DTNA: variants seen among roughly 807,000 people sequenced by gnomAD.
The protein encoded by DTNA is dystrobrevin alpha, also known as dystrophin-related protein 3.
In DTNA, 43 loss-of-function variants were observed where a neutral mutation model predicts 100.7. That is an observed-to-expected ratio of 0.43 (90% CI 0.33 to 0.55). The LOEUF (loss-of-function observed/expected upper bound fraction) is 0.55, where lower values mean the gene tolerates loss of function less well. Ranked by LOEUF, DTNA falls within the 20% of genes least tolerant of loss-of-function variation. DTNA has a pLI of 0.04. For missense variants in DTNA, 798 were observed against 953.9 expected (o/e 0.84, Z 2.15); for synonymous variants, 349 against 347.9 (o/e 1.00, Z -0.04).
intron 3 of DTNA, among the ~76,000 whole-genome samples, chr18:34,785,492 T>C (rs1298387668): frequency 6.6e-6 from 1 of 152,208 alleles, no homozygotes; most frequent in Non-Finnish European, 1.5e-5. Context: ...CTAAAATTTA[T>C]ATAGTACTTT....
At chr18:34,868,730 A>G (rs1467469997) in intron 17 of DTNA, 2 of 985,380 alleles carry the variant, frequency 2.0e-6, no homozygotes, top group Non-Finnish European at 2.4e-6. Flanking sequence ...AGGAGAGAAC[A>G]TGAATTAAAA....
rs1954861 is a variant in DTNA, at chr18:34,838,301, G to A, written c.1253+130G>A. ...GTAAAAGCAGCTCTGCTTTAACCCA[G>A]TTAACAGCACTAAGTAGTTATTTCC... On this transcript the variant is annotated intron_variant, in intron 12 of 22. Transcript: ENST00000444659. 241,730 of 931,382 alleles carry A rather than the reference G, an allele frequency of 0.26. 33,732 individuals carry two copies. Among genetic ancestry groups the A allele is most frequent in the African/African-American group, 0.44 (26,861 of 60,988 alleles). The allele number at this position is 931,382 out of a possible 1,614,324, so 57.7% of individuals were successfully genotyped here.
intron 21 of DTNA, among the ~76,000 whole-genome samples, chr18:34,883,565 C>T (rs2096894353): frequency 6.6e-6 from 1 of 152,126 alleles, no homozygotes; most frequent in African/African-American, 2.4e-5. Context: ...CCACCCCGGC[C>T]TCCCAAAGTG....
At chr18:34,866,957 G>A in intron 17 of DTNA, 1 of 1,166,940 alleles carries the variant, frequency 8.6e-7, no homozygotes, top group Non-Finnish European at 1.0e-6. Context: ...AGGCTCAAGA[G>A]CCAGCAGGGG....
rs78346019 is a variant in DTNA, at chr18:34,764,999, G to T, written c.68-962G>T. Among the ~76,000 whole-genome samples the T allele has an allele frequency of 6.0e-4, 91 of 152,268 alleles. No individual in the cohort carries two copies. In the East Asian group the frequency reaches 0.017, roughly 28 times the overall value. ...GGTGGGAGGAATACTAGGAGCTCAG[G>T]TCTTGATGTAACAAGCAGCCCATCT... On this transcript the variant is annotated intron_variant, in intron 2 of 22. Transcript: ENST00000444659.
chr18:34,769,778 A>G (rs1323294218), intron 3 of DTNA, among the ~76,000 whole-genome samples: 2 of 106,486 alleles, frequency 1.9e-5, no homozygotes, highest in East Asian at 3.2e-4. Flanking sequence ...CTGGAGTGCA[A>G]TGGTGCAATC....
chr18:34,800,608 T>C (rs917378986), intron 4 of DTNA, among the ~76,000 whole-genome samples: 5 of 152,222 alleles, frequency 3.3e-5, no homozygotes, highest in African/African-American at 1.2e-4. Context: ...TCAAAAATGC[T>C]TACCAAATGT....
intron 1 of DTNA, among the ~76,000 whole-genome samples, chr18:34,551,534 GC>G (rs1339952569): frequency 1.3e-5 from 2 of 152,004 alleles, no homozygotes; most frequent in Non-Finnish European, 2.9e-5. Flanking sequence ...CTTCTCCAGT[GC>G]CCAATCTGGG....
chr18:34,713,188 T>C (rs2083253683), intron 1 of DTNA, among the ~76,000 whole-genome samples: 1 of 152,154 alleles, frequency 6.6e-6, no homozygotes, highest in African/African-American at 2.4e-5. Flanking sequence ...ATGATTAATT[T>C]GGAGAATAAG....
At chr18:34,641,136 T>C (rs1393724657) in intron 1 of DTNA, among the ~76,000 whole-genome samples, 1 of 152,112 alleles carries the variant, frequency 6.6e-6, no homozygotes, top group African/African-American at 2.4e-5. Context: ...AGATAATATA[T>C]GAATATAAGG....
intron 1 of DTNA, among the ~76,000 whole-genome samples, chr18:34,658,737 A>G (rs889228073): frequency 2.6e-5 from 4 of 152,244 alleles, no homozygotes; most frequent in African/African-American, 9.6e-5. Flanking sequence ...CAGTGTTAAG[A>G]GCATTCAAGT....
chr18:34,729,751 A>G (rs1400172822), intron 1 of DTNA, among the ~76,000 whole-genome samples: 4 of 152,156 alleles, frequency 2.6e-5, no homozygotes, highest in South Asian at 4.1e-4. Context: ...CAAAGAAAAG[A>G]TGGAAGATGG....
At chr18:34,753,366 A>ATTTATTTTTTTTT (rs2092499145) in intron 1 of DTNA, among the ~76,000 whole-genome samples, 5 of 133,148 alleles carry the variant, frequency 3.8e-5, no homozygotes, top group African/African-American at 6.4e-5. Flanking sequence ...TATTTATTTT[A>ATTTATTTTTTTTT]TTTTTTTTTT....
intron 1 of DTNA, among the ~76,000 whole-genome samples, chr18:34,725,884 G>A (rs929194893): frequency 6.6e-6 from 1 of 152,186 alleles, no homozygotes; most frequent in Admixed American, 6.5e-5. Flanking sequence ...TTAAGAAAAT[G>A]TGGCACATAT....
chr18:34,613,284 C>T (rs2054587440), intron 1 of DTNA, among the ~76,000 whole-genome samples: 1 of 152,206 alleles, frequency 6.6e-6, no homozygotes, highest in South Asian at 2.1e-4. Context: ...CCCTATCCTC[C>T]AACCTCCCTA....
chr18:34,648,108 G>A (rs1354887209), intron 1 of DTNA, among the ~76,000 whole-genome samples: 1 of 152,206 alleles, frequency 6.6e-6, no homozygotes, highest in African/African-American at 2.4e-5. Context: ...GCATATTAAA[G>A]CATCTGAGTT....
At chr18:34,728,102 T>C (rs2087163404) in intron 1 of DTNA, among the ~76,000 whole-genome samples, 2 of 152,212 alleles carry the variant, frequency 1.3e-5, no homozygotes, top group African/African-American at 4.8e-5. Flanking sequence ...GTTGTGATAT[T>C]AAGTTAAAAG....
chr18:34,882,005 T>C, intron 20 of DTNA, 64 bp from the exon 21 acceptor site: 1 of 1,611,856 alleles, frequency 6.2e-7, no homozygotes, highest in Non-Finnish European at 8.5e-7. Flanking sequence ...AGCTCACACA[T>C]GAATCCCGCT....
intron 11 of DTNA, among the ~76,000 whole-genome samples, chr18:34,829,836 T>G (rs1277606990): frequency 1.3e-5 from 2 of 152,232 alleles, no homozygotes; most frequent in African/African-American, 4.8e-5. Flanking sequence ...TTAAGGAGTC[T>G]GTTGGAAAGA....
Sources: gnomAD v4.1 joint callset for allele counts (sites outside exome capture counted in the v4.1 genomes callset) on GRCh38, gnomAD v4.1.1 for gene constraint, MANE v1.5 for transcripts, NCBI Gene and HGNC (gene_info 2026-07-23, HGNC 2026-07-21) for gene names.